The following YWHAE variants were observed in gnomAD, a reference collection of about 807,000 sequenced individuals.
The protein encoded by YWHAE is tyrosine 3-monooxygenase/tryptophan 5-monooxygenase activation protein epsilon, also known as 14-3-3 protein epsilon.
Under a neutral mutation model 30.1 loss-of-function variants are expected in YWHAE, and 4 were observed. The observed-to-expected ratio is 0.13, with a 90% CI of 0.07 to 0.30. The LOEUF (loss-of-function observed/expected upper bound fraction) is 0.30. Ranked by LOEUF, YWHAE falls within the 10% of genes least tolerant of loss-of-function variation. The pLI is 1.00. For synonymous variants in YWHAE, 118 were observed against 111.8 expected, an observed-to-expected ratio of 1.06 and a Z score of -0.35; for missense variants, 121 against 315.9, an observed-to-expected ratio of 0.38 and a Z score of 4.68.
intron 1 of YWHAE, among the ~76,000 whole-genome samples, chr17:1,367,091 G>A (rs112751337): frequency 2.0e-5 from 3 of 151,910 alleles, no homozygotes; most frequent in Admixed American, 1.3e-4. Context: ...AAAAATATTC[G>A]GCAATGTTTT....
intron 4 of YWHAE, 25 bp downstream of exon 4, chr17:1,361,067 G>T: frequency 6.2e-7 from 1 of 1,604,226 alleles, no homozygotes; most frequent in Non-Finnish European, 8.5e-7. Flanking sequence ...CACGCTGAGC[G>T]CTGCTGTTCT....
At chr17:1,378,126 G>A (rs1233336236) in intron 1 of YWHAE, among the ~76,000 whole-genome samples, 2 of 152,224 alleles carry the variant, frequency 1.3e-5, no homozygotes, top group Non-Finnish European at 2.9e-5. Context: ...CTTACAAGGT[G>A]CTACTTACTA....
intron 1 of YWHAE, among the ~76,000 whole-genome samples, chr17:1,386,928 T>C (rs1391753985): frequency 1.3e-5 from 2 of 150,418 alleles, no homozygotes; most frequent in African/African-American, 2.5e-5. Context: ...CACTCCAGTC[T>C]GGGCAACAGA....
At chr17:1,393,230 G>A (rs1317386409) in intron 1 of YWHAE, among the ~76,000 whole-genome samples, 1 of 151,032 alleles carries the variant, frequency 6.6e-6, no homozygotes, top group African/African-American at 2.4e-5. Flanking sequence ...CTGAGGTGGG[G>A]GGATCACCTG....
intron 1 of YWHAE, among the ~76,000 whole-genome samples, chr17:1,384,792 G>A (rs187672906): frequency 1.3e-5 from 2 of 151,868 alleles, no homozygotes; most frequent in East Asian, 3.9e-4. Flanking sequence ...TGCAACCTCC[G>A]CCTCCCGGGT....
At chr17:1,358,232 AAAC>A (rs1026253201) in intron 4 of YWHAE, among the ~76,000 whole-genome samples, 4 of 152,132 alleles carry the variant, frequency 2.6e-5, no homozygotes, top group South Asian at 2.1e-4. Flanking sequence ...CTACAAAACA[AAAC>A]AACAAAAAAA....
chr17:1,394,112 T>C (rs939827283), intron 1 of YWHAE, among the ~76,000 whole-genome samples: 8 of 152,168 alleles, frequency 5.3e-5, no homozygotes, highest in African/African-American at 1.7e-4. Flanking sequence ...AGTGTACCGA[T>C]CTAAAGGTCA....
At position 1,354,408 on chromosome 17, in the gene YWHAE, CATGCT is replaced by C. The variant is rs1315815930; in HGVS notation, c.579-66_579-62del. 2.6e-6 allele frequency: 4 copies of C among 1,511,964 alleles called. No homozygotes were observed. In the African/African-American group the frequency reaches 5.5e-5, roughly 21 times the overall value. 93.7% of individuals were successfully genotyped at this position (1,511,964 alleles called of 1,614,324 possible). A position where few individuals can be genotyped will look rare whatever the true frequency, so the allele number is the denominator to read the frequency against. On this transcript the variant is annotated intron_variant, in intron 4 of 5. Coordinates refer to ENST00000264335, the MANE Select transcript of YWHAE (RefSeq NM_006761.5). ...AGTCCAAAATCAGAATTAGAAATGACATGCTAGACAGCAATCTTTTCTTCAGTTAT... is the reference window on the plus strand; with the variant it reads ...AGTCCAAAATCAGAATTAGAAATGACAGACAGCAATCTTTTCTTCAGTTAT...
At chr17:1,350,768 A>T (rs565328369) in intron 5 of YWHAE, among the ~76,000 whole-genome samples, 12 of 126,532 alleles carry the variant, frequency 9.5e-5, no homozygotes, top group Middle Eastern at 3.9e-3. Flanking sequence ...TAATAATAAT[A>T]AAAAAAAATG....
At chr17:1,359,812 T>TCGTGTGTG (rs1555640505) in intron 4 of YWHAE, among the ~76,000 whole-genome samples, 2 of 130,622 alleles carry the variant, frequency 1.5e-5, no homozygotes, top group African/African-American at 6.0e-5. Context: ...CACTAAATTG[T>TCGTGTGTG]TGTGTGTGTG....
chr17:1,396,541 G>C (rs372016713), intron 1 of YWHAE, among the ~76,000 whole-genome samples: 1 of 152,194 alleles, frequency 6.6e-6, no homozygotes, highest in Admixed American at 6.6e-5. Flanking sequence ...ATAGGGAAGA[G>C]ACTAGGAAAG....
chr17:1,393,869 G>T (rs569865689), intron 1 of YWHAE, among the ~76,000 whole-genome samples: 2 of 151,838 alleles, frequency 1.3e-5, no homozygotes, highest in Non-Finnish European at 2.9e-5. Context: ...TTTTAATTTC[G>T]CTGTGCCTTG....
chr17:1,397,957 C>T (rs948602239), intron 1 of YWHAE, among the ~76,000 whole-genome samples: 1 of 152,084 alleles, frequency 6.6e-6, no homozygotes, highest in African/African-American at 2.4e-5. Context: ...GTTCAATAAC[C>T]AATAAGGGCT....
At chr17:1,391,781 A>C (rs1230417762) in intron 1 of YWHAE, among the ~76,000 whole-genome samples, 1 of 152,108 alleles carries the variant, frequency 6.6e-6, no homozygotes, top group Admixed American at 6.6e-5. Flanking sequence ...AGTTACCTGG[A>C]CAACACAGTG....
rs2072565475 is a variant in YWHAE, at chr17:1,348,662, C to T, written c.716-3163G>A. ...GTCAAACTCCTGGGCTCAAGTGATCCTTCTGCCTCACCTTGCTGAACAGCC... is the reference window on the plus strand; with the variant it reads ...GTCAAACTCCTGGGCTCAAGTGATCTTTCTGCCTCACCTTGCTGAACAGCC... On this transcript the variant is annotated intron_variant, in intron 5 of 5. Transcript: ENST00000264335. Among the ~76,000 whole-genome samples the T allele has an allele frequency of 2.0e-5, 3 of 152,204 alleles. No homozygotes were observed. In the South Asian group the frequency reaches 6.2e-4, roughly 31 times the overall value.
chr17:1,361,020 C>A (rs1156601435), intron 4 of YWHAE, 72 bp downstream of exon 4: 2 of 1,414,366 alleles, frequency 1.4e-6, no homozygotes, highest in Non-Finnish European at 2.0e-6. Flanking sequence ...GCCCAAGAAA[C>A]AACACGGAAA....
rs78498873 is a variant in YWHAE, at chr17:1,370,724, G to A, written c.65-5666C>T. ...AAAAACAACATTGCAGGCTGGGAGC[G>A]GTGGCTCACGCCTAGTAATCCCAGC... On this transcript the variant is annotated intron_variant, in intron 1 of 5. Coordinates refer to ENST00000264335, the MANE Select transcript of YWHAE (RefSeq NM_006761.5). 9.1e-3 allele frequency among the ~76,000 whole-genome samples: 1,384 copies of A among 152,156 alleles called. 73 individuals are homozygous for A. Among genetic ancestry groups the A allele is most frequent in the Admixed American group, 0.073 (1,113 of 15,290 alleles).
chr17:1,398,170 G>A (rs1304050713), intron 1 of YWHAE, among the ~76,000 whole-genome samples: 1 of 152,148 alleles, frequency 6.6e-6, no homozygotes, highest in Non-Finnish European at 1.5e-5. Flanking sequence ...AAGCATTCAA[G>A]TACAATTTGT....
intron 5 of YWHAE, among the ~76,000 whole-genome samples, chr17:1,346,908 T>C (rs573481221): frequency 6.6e-6 from 1 of 150,928 alleles, no homozygotes; most frequent in Non-Finnish European, 1.5e-5. Flanking sequence ...TGAGAATTGC[T>C]TGAACCCAGG....
Sources: allele counts gnomAD v4.1 joint callset (sites outside exome capture counted in the v4.1 genomes callset), GRCh38; gene constraint gnomAD v4.1.1; transcripts MANE v1.5; gene names NCBI Gene and HGNC (gene_info 2026-07-23, HGNC 2026-07-21).